Variants in TTC21B observed in about 807,000 individuals in gnomAD.
TTC21B encodes tetratricopeptide repeat protein 21B.
In TTC21B, 127 loss-of-function variants were observed where a neutral mutation model predicts 175.1. The ratio of observed to expected loss-of-function variants is 0.73; its 90% CI spans 0.63 to 0.84. The LOEUF (loss-of-function observed/expected upper bound fraction) is 0.84, where lower values mean the gene tolerates loss of function less well. TTC21B is among the 40% of genes least tolerant of loss of function. TTC21B has a pLI of 0.00. For missense variants in TTC21B, 1,561 were observed against 1,558.3 expected, an observed-to-expected ratio of 1.00 and a Z score of -0.03; for synonymous variants, 524 against 524.5, an observed-to-expected ratio of 1.00 and a Z score of 0.01.
intron 22 of TTC21B, among the ~76,000 whole-genome samples, chr2:165,894,938 G>C (rs1685314898): frequency 2.0e-5 from 3 of 152,138 alleles, no homozygotes; most frequent in Admixed American, 1.3e-4. Context: ...ACTCATCCCA[G>C]TTTGCCTGTG....
At chr2:165,885,336 G>C (rs946314643) in intron 25 of TTC21B, among the ~76,000 whole-genome samples, 6 of 152,148 alleles carry the variant, frequency 3.9e-5, no homozygotes, top group African/African-American at 1.2e-4. Context: ...GAATAGAGAA[G>C]GGCAATACAT....
At position 165,888,164 on chromosome 2, in the gene TTC21B, A is replaced by T. The variant is rs942452718; in HGVS notation, c.3459+115T>A. 7.2e-6 allele frequency: 6 copies of T among 837,632 alleles called. No homozygotes were observed. In the African/African-American group the frequency reaches 1.0e-4, roughly 15 times the overall value. The allele number at this position is 837,632 out of a possible 1,614,324, so 51.9% of individuals were successfully genotyped here. A position where few individuals can be genotyped will look rare whatever the true frequency, so the allele number is the denominator to read the frequency against. ...ATGCCCAACTATATACCTAATTTTTAATAAAAGTTAAGTAATTAAGTCAAT... is the reference window on the plus strand; with the variant it reads ...ATGCCCAACTATATACCTAATTTTTTATAAAAGTTAAGTAATTAAGTCAAT... On this transcript the variant is annotated intron_variant, in intron 25 of 28. Transcript: ENST00000243344.
At chr2:165,919,509 G>A (rs1209709156) in intron 12 of TTC21B, 76 bp from the exon 13 acceptor site, 3 of 1,510,206 alleles carry the variant, frequency 2.0e-6, no homozygotes, top group African/African-American at 1.4e-5. Context: ...AGGAAGAAGA[G>A]TGTTTAGTTT....
rs750423434 is a variant in TTC21B, at chr2:165,874,795, T to G, written c.3911A>C (p.Lys1304Thr). 1 of 1,613,672 alleles carries G rather than the reference T, an allele frequency of 6.2e-7. No individual in the cohort carries two copies. The highest frequency in any genetic ancestry group is 1.1e-5 in the South Asian group (1 of 91,070). The change falls in exon 29 of 29, where the codon AAG becomes ACG. Residue 1304 changes from lysine (K) to threonine (T), a missense_variant. By Grantham distance (78) the Lys-to-Thr change is moderately conservative. Transcript: ENST00000243344. ...CGCACGGGCCTTATCAAGTATATCC[T>G]TTCTGATTTTTGGATAAGTTGGATG... is the stretch of plus-strand genomic sequence containing the variant. ...EAHPTYPKIR[K>T]DILDKARASL...
rs1415492113 is a variant in TTC21B at position 165,953,665 on chromosome 2, T to A, written c.21+20A>T. On this transcript the variant is annotated intron_variant, in intron 1 of 28. Transcript: ENST00000243344. ...TCCGCCCGCCCGCCCGCTCACCCGC[T>A]CACCCGCTCACCCGCTCACCTTCAA... is the stretch of plus-strand genomic sequence containing the variant. 7.1e-7 allele frequency: 1 copy of A among 1,414,160 alleles called. No individual in the cohort carries two copies. 87.6% of individuals were successfully genotyped at this position (1,414,160 alleles called of 1,614,324 possible). A position where few individuals can be genotyped will look rare whatever the true frequency, so the allele number is the denominator to read the frequency against.
At chr2:165,925,130 G>GT (rs998718219) in intron 11 of TTC21B, among the ~76,000 whole-genome samples, 4 of 152,142 alleles carry the variant, frequency 2.6e-5, no homozygotes, top group African/African-American at 4.8e-5. Context: ...TTGTAAACCA[G>GT]TTTTTTAAAG....
In TTC21B at chr2:165,916,230, G is replaced by A. The variant is rs137955690; in HGVS notation, c.1900-791C>T. Reference sequence around the variant, plus strand: ...GTGAGCTATGATTGTATCACTGGATGCCAGCTGAGGAGACAGAGTGAGACC... The same window carrying A: ...GTGAGCTATGATTGTATCACTGGATACCAGCTGAGGAGACAGAGTGAGACC... On this transcript the variant is annotated intron_variant, in intron 14 of 28. Coordinates refer to ENST00000243344, the MANE Select transcript of TTC21B (RefSeq NM_024753.5). Among the ~76,000 whole-genome samples the A allele has an allele frequency of 1.2e-4, 18 of 152,308 alleles. No individual in the cohort carries two copies. In the East Asian group the frequency reaches 3.5e-3, roughly 29 times the overall value.
intron 5 of TTC21B, among the ~76,000 whole-genome samples, chr2:165,942,220 T>C (rs1687394451): frequency 1.3e-5 from 2 of 152,168 alleles, no homozygotes; most frequent in South Asian, 2.1e-4. Flanking sequence ...AGTCAAGACA[T>C]GAATCCTCTC....
At position 165,912,578 on chromosome 2, in the gene TTC21B, G is replaced by A. The variant is rs539769126; in HGVS notation, c.2258C>T (p.Pro753Leu). 1,385 of 1,613,960 alleles carry A rather than the reference G, an allele frequency of 8.6e-4. 16 individuals carry two copies. The South Asian group carries it at 0.014, about 17-fold the overall frequency. ...TTTGCTTGCCAATGTTCCATCTTTC[G>A]GGTTCTGATTTAATGCTTGCTCATA... is the stretch of plus-strand genomic sequence containing the variant. ...VAYEQALNQN[P>L]KDGTLASKMG... Residue 753 changes from proline to leucine, a missense_variant, in exon 17 of 29, where the codon CCG (proline) becomes CTG (leucine). Physicochemically the swap from Pro to Leu is moderately conservative, Grantham distance 98. Transcript: ENST00000243344.
chr2:165,881,391 T>C (rs1417530807), intron 26 of TTC21B, among the ~76,000 whole-genome samples: 1 of 152,190 alleles, frequency 6.6e-6, no homozygotes, highest in African/African-American at 2.4e-5. Context: ...TTGTTTTTGT[T>C]AGATTGAGGA....
chr2:165,904,405 T>G (rs1280536071), intron 19 of TTC21B, among the ~76,000 whole-genome samples: 4 of 152,172 alleles, frequency 2.6e-5, no homozygotes, highest in Non-Finnish European at 5.9e-5. Flanking sequence ...AACAAAAAAA[T>G]TTTGGGACTG....
At chr2:165,950,278 T>C (rs1174602809) in intron 1 of TTC21B, among the ~76,000 whole-genome samples, 4 of 152,216 alleles carry the variant, frequency 2.6e-5, no homozygotes, top group Non-Finnish European at 5.9e-5. Flanking sequence ...AAATAAACTA[T>C]TTTTCAATGA....
chr2:165,918,287 G>T (rs534951101), intron 13 of TTC21B, among the ~76,000 whole-genome samples: 5 of 152,170 alleles, frequency 3.3e-5, no homozygotes, highest in African/African-American at 9.6e-5. Flanking sequence ...TAAGAAGCAG[G>T]TGATATTTTC....
chr2:165,902,155 CAT>C (rs1034911599), intron 19 of TTC21B, among the ~76,000 whole-genome samples: 2 of 152,106 alleles, frequency 1.3e-5, no homozygotes, highest in African/African-American at 4.8e-5. Flanking sequence ...ACTGTTACAA[CAT>C]GTGTATAGGA....
intron 6 of TTC21B, among the ~76,000 whole-genome samples, chr2:165,933,706 C>T (rs1332065736): frequency 6.6e-6 from 1 of 152,156 alleles, no homozygotes; most frequent in Non-Finnish European, 1.5e-5. Flanking sequence ...TTTCAACCCT[C>T]CCTGAGTACG....
At chr2:165,893,413 T>C (rs1292230497) in intron 22 of TTC21B, among the ~76,000 whole-genome samples, 1 of 152,156 alleles carries the variant, frequency 6.6e-6, no homozygotes, top group Non-Finnish European at 1.5e-5. Flanking sequence ...GGGAAGGCAA[T>C]TTCTTGAATA....
At chr2:165,910,688 A>C (rs943737794) in intron 18 of TTC21B, among the ~76,000 whole-genome samples, 1 of 152,174 alleles carries the variant, frequency 6.6e-6, no homozygotes, top group African/African-American at 2.4e-5. Context: ...AATATGAATA[A>C]AATTTCCTAG....
At chr2:165,940,732 C>A (rs1455741550) in intron 6 of TTC21B, among the ~76,000 whole-genome samples, 3 of 152,108 alleles carry the variant, frequency 2.0e-5, no homozygotes, top group African/African-American at 7.2e-5. Flanking sequence ...ACACAATATA[C>A]TTATTTGGTG....
chr2:165,950,352 T>G (rs1035903361), intron 1 of TTC21B, among the ~76,000 whole-genome samples: 1 of 152,190 alleles, frequency 6.6e-6, no homozygotes, highest in Non-Finnish European at 1.5e-5. Context: ...AAAACTACTA[T>G]CAGGACCTAC....
Sources: gnomAD v4.1 joint callset for allele counts (sites outside exome capture counted in the v4.1 genomes callset) on GRCh38, gnomAD v4.1.1 for gene constraint, MANE v1.5 for transcripts, NCBI Gene and HGNC (gene_info 2026-07-23, HGNC 2026-07-21) for gene names.